Variants in SCAI observed in about 807,000 individuals in gnomAD.
SCAI encodes the protein suppressor of cancer cell invasion.
A neutral mutation model predicts 92.2 loss-of-function variants in SCAI; 24 were observed. The ratio of observed to expected loss-of-function variants is 0.26; its 90% CI spans 0.19 to 0.37. The LOEUF (loss-of-function observed/expected upper bound fraction) is 0.37. Among genes scored for constraint, SCAI ranks in the 10% least tolerant of loss-of-function variants. The probability of loss-of-function intolerance (pLI) is 1.00; values close to 1 mark genes in which losing one functional copy is unlikely to be tolerated. For missense variants in SCAI, 450 were observed against 736.2 expected (o/e 0.61, Z 4.50); for synonymous variants, 261 against 258.6 (o/e 1.01, Z -0.09).
At chr9:124,963,757 CAAAAAAAAAAAAA>C (rs36017738) in intron 17 of SCAI, among the ~76,000 whole-genome samples, 2 of 52,288 alleles carry the variant, frequency 3.8e-5, no homozygotes, top group African/African-American at 1.6e-4. Context: ...GAATCTGTCT[CAAAAAAAAAAAAA>C]AAAAAAAAAA....
intron 11 of SCAI, 66 bp downstream of exon 11, chr9:125,003,048 G>C: frequency 1.0e-6 from 1 of 989,218 alleles, no homozygotes; most frequent in South Asian, 1.5e-5. Flanking sequence ...TTTCAAAAGA[G>C]TGACTCTTAG....
chr9:125,101,290 G>A (rs1412653449), intron 2 of SCAI, among the ~76,000 whole-genome samples: 1 of 152,194 alleles, frequency 6.6e-6, no homozygotes, highest in Non-Finnish European at 1.5e-5. Context: ...ACTGGCTACT[G>A]TATTGGGAGA....
chr9:125,107,677 G>A (rs1454639540), intron 2 of SCAI, among the ~76,000 whole-genome samples: 1 of 152,176 alleles, frequency 6.6e-6, no homozygotes, highest in East Asian at 1.9e-4. Context: ...GAGGCAGGAG[G>A]ACAGCCTGAG....
intron 14 of SCAI, among the ~76,000 whole-genome samples, chr9:124,979,332 G>C (rs1235193303): frequency 1.3e-5 from 2 of 151,738 alleles, no homozygotes; most frequent in African/African-American, 4.8e-5. Context: ...TTTGAGTCAG[G>C]AATTTGAGAC....
chr9:125,084,056 G>A (rs1053807907), intron 2 of SCAI, among the ~76,000 whole-genome samples: 1 of 151,504 alleles, frequency 6.6e-6, no homozygotes, highest in African/African-American at 2.4e-5. Context: ...CTTGGTGTAC[G>A]GAGGAACGAG....
chr9:125,032,456 T>G (rs1483315251), intron 3 of SCAI, among the ~76,000 whole-genome samples: 2 of 151,478 alleles, frequency 1.3e-5, no homozygotes, highest in Non-Finnish European at 2.9e-5. Context: ...CCTCCTAAAG[T>G]GCTGGGATTA....
intron 17 of SCAI, among the ~76,000 whole-genome samples, chr9:124,954,544 T>C (rs898755678): frequency 1.3e-5 from 2 of 152,244 alleles, no homozygotes; most frequent in Admixed American, 1.3e-4. Context: ...GAGATCACTC[T>C]TCAATGTCAC....
chr9:125,129,557 G>A (rs1329952210), intron 2 of SCAI, among the ~76,000 whole-genome samples: 8 of 131,662 alleles, frequency 6.1e-5, no homozygotes, highest in South Asian at 2.6e-4. Context: ...TCCACCTCCC[G>A]GGTTCAAGTG....
intron 17 of SCAI, among the ~76,000 whole-genome samples, chr9:124,958,540 C>T (rs1417221695): frequency 6.6e-6 from 1 of 152,166 alleles, no homozygotes; most frequent in East Asian, 1.9e-4. Context: ...TTATCTCACA[C>T]TTTAAACAAA....
chr9:125,042,615 A>ATGTATGTGTGTGTGTGTG (rs1833339205), intron 3 of SCAI, among the ~76,000 whole-genome samples: 1 of 105,154 alleles, frequency 9.5e-6, no homozygotes, highest in Non-Finnish European at 1.9e-5. Flanking sequence ...CCACCAGAGT[A>ATGTATGTGTGTGTGTGTG]TGTGTGTGTG....
chr9:125,107,425 A>G (rs1416840537), intron 2 of SCAI, among the ~76,000 whole-genome samples: 1 of 151,720 alleles, frequency 6.6e-6, no homozygotes, highest in African/African-American at 2.4e-5. Context: ...AAAAAAAAGA[A>G]AAAGAAAAGA....
chr9:125,075,098 G>A (rs1442066815), intron 2 of SCAI, among the ~76,000 whole-genome samples: 2 of 152,016 alleles, frequency 1.3e-5, no homozygotes, highest in Non-Finnish European at 2.9e-5. Flanking sequence ...AAGCTAATGG[G>A]GCAGGAAATA....
rs1310379306 is a variant in SCAI at position 124,948,906 on chromosome 9, A to G, written c.*3901T>C. The G allele has an allele frequency of 6.6e-6, 1 of 152,202 alleles. No homozygotes were observed. The highest frequency in any genetic ancestry group is 1.5e-5 in the Non-Finnish European group (1 of 68,028). The allele number at this position is 152,202 out of a possible 1,614,324, so 9.4% of individuals were successfully genotyped here. A position where few individuals can be genotyped will look rare whatever the true frequency, so the allele number is the denominator to read the frequency against. ...TAAAATTAAATACATTAGGGTTTAA[A>G]TTTTTTTATAAAGGGCAGGTGGTAT... is the stretch of plus-strand genomic sequence containing the variant. On this transcript the variant is annotated 3_prime_UTR_variant, in exon 18 of 18. Coordinates refer to ENST00000336505, the MANE Select transcript of SCAI (RefSeq NM_001144877.3).
chr9:125,015,425 T>C (rs1226165071), intron 9 of SCAI, among the ~76,000 whole-genome samples: 2 of 151,232 alleles, frequency 1.3e-5, no homozygotes, highest in Admixed American at 6.6e-5. Flanking sequence ...AAAAAACACA[T>C]GAAAAAATGC....
At chr9:124,995,725 A>C (rs1588139845) in intron 13 of SCAI, among the ~76,000 whole-genome samples, 1 of 152,112 alleles carries the variant, frequency 6.6e-6, no homozygotes, top group East Asian at 1.9e-4. Context: ...TCCTGAGCTC[A>C]AGCAATCTGC....
At chr9:125,134,614 A>T (rs753730283) in intron 2 of SCAI, among the ~76,000 whole-genome samples, 2 of 152,230 alleles carry the variant, frequency 1.3e-5, no homozygotes, top group Non-Finnish European at 2.9e-5. Flanking sequence ...CCCAAACATC[A>T]TTAACAGACA....
intron 2 of SCAI, among the ~76,000 whole-genome samples, chr9:125,095,120 T>C (rs1264614024): frequency 6.6e-6 from 1 of 152,172 alleles, no homozygotes; most frequent in African/African-American, 2.4e-5. Flanking sequence ...CCCAAGGTCA[T>C]GTGCTTCCCA....
chr9:125,140,077 C>T (rs542898480), intron 2 of SCAI, among the ~76,000 whole-genome samples: 3 of 151,856 alleles, frequency 2.0e-5, no homozygotes, highest in South Asian at 2.1e-4. Flanking sequence ...AAAAGTTAGC[C>T]TGGCATGGTG....
Position 124,971,747 on chromosome 9 carries a change from T to A in SCAI, c.1497A>T (p.Leu499=), listed in dbSNP as rs777446571. 1.2e-6 allele frequency: 2 copies of A among 1,612,716 alleles called. No individual in the cohort carries two copies. The highest frequency in any genetic ancestry group is 1.7e-6 in the Non-Finnish European group (2 of 1,179,682). The change falls in exon 16 of 18, where the codon CTA becomes CTT. Residue 499 remains leucine, a synonymous_variant. Transcript: ENST00000336505. The part of the protein sequence containing the change: ...VSGLSSMRRG[L]WEKCQEYLRK... ...GAAGATATTCTTGACACTTTTCCCA[T>A]AGGCCTCTGCGCATGCTTGACAATC...
Sources: allele counts gnomAD v4.1 joint callset (sites outside exome capture counted in the v4.1 genomes callset), GRCh38; gene constraint gnomAD v4.1.1; transcripts MANE v1.5; gene names NCBI Gene and HGNC (gene_info 2026-07-23, HGNC 2026-07-21).